SEMA5A: variants seen among roughly 807,000 people sequenced by gnomAD.
The protein encoded by SEMA5A is semaphorin 5A, also known as semaphorin-5A.
SEMA5A carries 55 observed loss-of-function variants against 135.5 expected under a neutral mutation model. The ratio of observed to expected loss-of-function variants is 0.41; its 90% confidence interval spans 0.33 to 0.51. The LOEUF (loss-of-function observed/expected upper bound fraction) is 0.51, where lower values mean the gene tolerates loss of function less well. Among genes scored for constraint, SEMA5A ranks in the 20% least tolerant of loss-of-function variants. SEMA5A has a pLI of 0.37. For synonymous variants in SEMA5A, 580 were observed against 546.5 expected (o/e 1.06, Z -0.85); for missense variants, 1,290 against 1,419.9 (o/e 0.91, Z 1.47).
intron 6 of SEMA5A, among the ~76,000 whole-genome samples, chr5:9,230,510 G>A (rs1806021): frequency 0.053 from 8,114 of 152,188 alleles, 291 homozygotes; most frequent in Middle Eastern, 0.2. Flanking sequence ...GAAAGAGCAC[G>A]TTCTGATCAT....
At chr5:9,278,161 T>C (rs1463130482) in intron 5 of SEMA5A, among the ~76,000 whole-genome samples, 1 of 151,204 alleles carries the variant, frequency 6.6e-6, no homozygotes, top group Non-Finnish European at 1.5e-5. Context: ...CAGCTGGTAA[T>C]GAGGAACATA....
chr5:9,407,993 CCAT>C (rs1401048518), intron 2 of SEMA5A, among the ~76,000 whole-genome samples: 1 of 151,042 alleles, frequency 6.6e-6, no homozygotes, highest in Non-Finnish European at 1.5e-5. Context: ...ACTACTACTG[CCAT>C]CATCACCATC....
At chr5:9,265,919 T>C (rs890031815) in intron 5 of SEMA5A, among the ~76,000 whole-genome samples, 2 of 152,172 alleles carry the variant, frequency 1.3e-5, no homozygotes, top group African/African-American at 4.8e-5. Context: ...AAGGGCAGTG[T>C]TTTGCGGAGG....
At chr5:9,214,645 T>G (rs1806031) in intron 8 of SEMA5A, among the ~76,000 whole-genome samples, 4,466 of 152,224 alleles carry the variant, frequency 0.029, 234 homozygotes, top group African/African-American at 0.1. Flanking sequence ...GCCAGTATCA[T>G]CATTTGCCTG....
chr5:9,354,460 A>G (rs1561179254), intron 3 of SEMA5A, among the ~76,000 whole-genome samples: 2 of 152,110 alleles, frequency 1.3e-5, no homozygotes, highest in Non-Finnish European at 2.9e-5. Context: ...CTCTGGGCCC[A>G]GTTTTCATGG....
In SEMA5A at chr5:9,450,900, C is replaced by G. The variant is rs115421178; in HGVS notation, c.-174-13048G>C. 3.1e-3 allele frequency among the ~76,000 whole-genome samples: 476 copies of G among 152,314 alleles called. 5 individuals carry two copies. The highest frequency in any genetic ancestry group is 0.011 in the African/African-American group (441 of 41,570). Reference sequence around the variant, plus strand: ...ACATGTTGTACTTGGTTAGCTCACACTTAGAATTCTCATCAACTGCTTTTT... The same window carrying G: ...ACATGTTGTACTTGGTTAGCTCACAGTTAGAATTCTCATCAACTGCTTTTT... On this transcript the variant is annotated intron_variant, in intron 1 of 22. Coordinates refer to ENST00000382496, the MANE Select transcript of SEMA5A (RefSeq NM_003966.3).
intron 1 of SEMA5A, among the ~76,000 whole-genome samples, chr5:9,518,867 A>G (rs1369858183): frequency 6.6e-6 from 1 of 152,236 alleles, no homozygotes; most frequent in African/African-American, 2.4e-5. Flanking sequence ...TTTATAGCCC[A>G]GAATGACATG....
intron 17 of SEMA5A, among the ~76,000 whole-genome samples, chr5:9,065,639 C>T (rs1737425016): frequency 6.6e-6 from 1 of 152,234 alleles, no homozygotes; most frequent in Admixed American, 6.5e-5. Flanking sequence ...CTATGAGTAT[C>T]TATTTCCTTT....
intron 3 of SEMA5A, among the ~76,000 whole-genome samples, chr5:9,351,791 C>T (rs1228338248): frequency 2.6e-5 from 4 of 152,162 alleles, no homozygotes; most frequent in Non-Finnish European, 4.4e-5. Flanking sequence ...GACTTCCAGA[C>T]ATATGGACTA....
At chr5:9,241,192 G>GT (rs1214655985) in intron 5 of SEMA5A, among the ~76,000 whole-genome samples, 2 of 152,030 alleles carry the variant, frequency 1.3e-5, no homozygotes, top group African/African-American at 2.4e-5. Flanking sequence ...TTTGCAGTAA[G>GT]TTTTTTTCTG....
chr5:9,294,184 C>T lies in SEMA5A; in HGVS notation c.270+24188G>A, dbSNP rs976303451. 3.0e-4 allele frequency among the ~76,000 whole-genome samples: 46 copies of T among 152,276 alleles called. 1 individual carries two copies. Among genetic ancestry groups the T allele is most frequent in the African/African-American group, 9.4e-4 (39 of 41,558 alleles). ...TAAGACCAGACAGCATTTGGCCTTC[C>T]GGTACATCGTCACCTCCCCTCTCAG... On this transcript the variant is annotated intron_variant, in intron 5 of 22. Transcript: ENST00000382496.
chr5:9,182,843 G>C (rs1204673306), intron 11 of SEMA5A, among the ~76,000 whole-genome samples: 1 of 151,902 alleles, frequency 6.6e-6, no homozygotes, highest in Non-Finnish European at 1.5e-5. Context: ...AATTCTCCAG[G>C]ATGTATAGAT....
At chr5:9,244,827 C>T (rs888243966) in intron 5 of SEMA5A, among the ~76,000 whole-genome samples, 1 of 152,206 alleles carries the variant, frequency 6.6e-6, no homozygotes, top group Non-Finnish European at 1.5e-5. Context: ...CCACGTGTTG[C>T]ACCTCTGTGG....
At chr5:9,246,995 T>C (rs1805951) in intron 5 of SEMA5A, among the ~76,000 whole-genome samples, 42,495 of 151,996 alleles carry the variant, frequency 0.28, 7,008 homozygotes, top group Non-Finnish European at 0.38. Flanking sequence ...TCTGGGAATA[T>C]AGTTAAAGGG....
rs1224586938 is a variant in SEMA5A at position 9,049,174 on chromosome 5, A to ATTTG, written c.2893+1235_2893+1236insCAAA. 5.9e-5 allele frequency among the ~76,000 whole-genome samples: 9 copies of ATTTG among 151,730 alleles called. No individual in the cohort carries two copies. In the South Asian group the frequency reaches 8.3e-4, roughly 14 times the overall value. On this transcript the variant is annotated intron_variant, in intron 21 of 22. Coordinates refer to ENST00000382496, the MANE Select transcript of SEMA5A (RefSeq NM_003966.3). ...CTATTATTTATTTATTTATTTATTT[A>ATTTG]TTTTTGATGCAGAGTCTCATTCTGT...
chr5:9,114,821 C>G lies in SEMA5A; in HGVS notation c.1925+4177G>C, dbSNP rs551598277. Among the ~76,000 whole-genome samples the G allele has an allele frequency of 6.6e-5, 10 of 152,310 alleles. No homozygotes were observed. The South Asian group carries it at 2.1e-3, about 32-fold the overall frequency. On this transcript the variant is annotated intron_variant, in intron 15 of 22. Coordinates refer to ENST00000382496, the MANE Select transcript of SEMA5A (RefSeq NM_003966.3). The stretch of plus-strand genomic sequence containing the variant: ...TATGAAATAGCTTTCACAGTCCTTT[C>G]AAGTACTGTTAGGGAAGGTTGGAAT...
At chr5:9,338,831 G>A (rs148422002) in intron 3 of SEMA5A, among the ~76,000 whole-genome samples, 37 of 151,702 alleles carry the variant, frequency 2.4e-4, no homozygotes, top group African/African-American at 9.0e-4. Flanking sequence ...GGGGGCATAT[G>A]GAAATATGCC....
chr5:9,440,640 T>C (rs1758198579), intron 1 of SEMA5A, among the ~76,000 whole-genome samples: 1 of 152,218 alleles, frequency 6.6e-6, no homozygotes, highest in Admixed American at 6.5e-5. Context: ...ACCTACACTC[T>C]TCAAATTGTC....
At chr5:9,269,653 T>C (rs1387067421) in intron 5 of SEMA5A, among the ~76,000 whole-genome samples, 1 of 152,074 alleles carries the variant, frequency 6.6e-6, no homozygotes. Context: ...GTTGTAAGAG[T>C]AGCAAAAGAG....
Sources: allele counts gnomAD v4.1 joint callset (sites outside exome capture counted in the v4.1 genomes callset), GRCh38; gene constraint gnomAD v4.1.1; transcripts MANE v1.5; gene names NCBI Gene and HGNC (gene_info 2026-07-23, HGNC 2026-07-21).